The following KCNH3 variants were observed in gnomAD, a reference collection of about 807,000 sequenced individuals.
KCNH3 encodes the protein voltage-gated inwardly rectifying potassium channel KCNH3.
In KCNH3, 36 loss-of-function variants were observed where a neutral mutation model predicts 95.6. The observed-to-expected ratio is 0.38, with a 90% CI of 0.29 to 0.50. The LOEUF (loss-of-function observed/expected upper bound fraction) is 0.50, where lower values mean the gene tolerates loss of function less well. KCNH3 is among the 20% of genes least tolerant of loss of function. KCNH3 has a pLI of 0.95. For missense variants in KCNH3, 1,030 were observed against 1,484.1 expected (o/e 0.69, Z 5.03); for synonymous variants, 620 against 646.3 (o/e 0.96, Z 0.62).
chr12:49,539,954 C>T lies in KCNH3; in HGVS notation c.76+462C>T, dbSNP rs1937815205. Reference sequence around the variant, plus strand: ...GAGTAGGCGGCACTCGGGAGAGCACCGTGTGTCCAAGCCCCGTGTCTCATA... The same window carrying T: ...GAGTAGGCGGCACTCGGGAGAGCACTGTGTGTCCAAGCCCCGTGTCTCATA... On this transcript the variant is annotated intron_variant, in intron 1 of 14. Coordinates refer to ENST00000257981, the MANE Select transcript of KCNH3 (RefSeq NM_012284.3). The surrounding 1 kb of genome is among the most constrained non-coding windows in gnomAD (Gnocchi z 6.7). Among the ~76,000 whole-genome samples the T allele has an allele frequency of 6.6e-6, 1 of 152,254 alleles. No homozygotes were observed. The highest frequency in any genetic ancestry group is 1.9e-4 in the East Asian group (1 of 5,186).
rs1937807084 is a variant in KCNH3, at chr12:49,539,764, G to T, written c.76+272G>T. On this transcript the variant is annotated intron_variant, in intron 1 of 14. Coordinates refer to ENST00000257981, the MANE Select transcript of KCNH3 (RefSeq NM_012284.3). The surrounding 1 kb of genome is among the most constrained non-coding windows in gnomAD (Gnocchi z 6.7). The stretch of plus-strand genomic sequence containing the variant: ...GGATGCTCTCTGTTAGCCGGGTCTC[G>T]AACCCGAACCTAGTCAGTCTGACCC... 1.3e-5 allele frequency among the ~76,000 whole-genome samples: 2 copies of T among 152,144 alleles called. No individual in the cohort carries two copies. The highest frequency in any genetic ancestry group is 2.1e-4 in the South Asian group (1 of 4,826).
chr12:49,554,984 T>C (rs1335564183), intron 11 of KCNH3, among the ~76,000 whole-genome samples: 4 of 152,150 alleles, frequency 2.6e-5, no homozygotes, highest in Non-Finnish European at 5.9e-5. Context: ...TTCCCTGGAT[T>C]GTCACTAATT....
At position 49,539,941 on chromosome 12, in the gene KCNH3, C is replaced by G. The variant is rs1006213140; in HGVS notation, c.76+449C>G. Among the ~76,000 whole-genome samples the G allele has an allele frequency of 1.3e-5, 2 of 152,186 alleles. No individual in the cohort carries two copies. The highest frequency in any genetic ancestry group is 6.5e-5 in the Admixed American group (1 of 15,284). ...CAAACGGAGATAAGAGTAGGCGGCA[C>G]TCGGGAGAGCACCGTGTGTCCAAGC... On this transcript the variant is annotated intron_variant, in intron 1 of 14. Coordinates refer to ENST00000257981, the MANE Select transcript of KCNH3 (RefSeq NM_012284.3). This position sits in a 1 kb window ranked among gnomAD's most constrained non-coding sequence, Gnocchi z 6.7.
Position 49,549,526 on chromosome 12 carries a change from G to C in KCNH3, c.1554G>C (p.Thr518=). The change falls in exon 9 of 15, where the codon ACG becomes ACC. Residue 518 remains threonine, a synonymous_variant. Coordinates refer to ENST00000257981, the MANE Select transcript of KCNH3 (RefSeq NM_012284.3). ...YARRFLYHSR[T]RDLRDYIRIH... ...GCCGCTTTCTGTACCACAGCCGCAC[G>C]CGCGACCTGCGCGACTACATCCGCA... 1 of 1,613,648 alleles carries C rather than the reference G, an allele frequency of 6.2e-7. No homozygotes were observed. Among genetic ancestry groups the C allele is most frequent in the Non-Finnish European group, 8.5e-7 (1 of 1,180,042 alleles).
In KCNH3 at chr12:49,550,119, G is replaced by T; in HGVS notation, c.1708G>T (p.Ala570Ser). Residue 570 changes from alanine (A) to serine (S), a missense_variant, in exon 10 of 15, where the codon GCC (alanine) becomes TCC (serine). Around this residue, in one of 9 missense-constraint regions of KCNH3, gnomAD observed 160 missense variants for 316.2 expected, o/e 0.51. Coordinates refer to ENST00000257981, the MANE Select transcript of KCNH3 (RefSeq NM_012284.3). Reference sequence around the variant, plus strand: ...CCCTGACGAGCTGCGCGCAGACATCGCCATGCACCTGCACAAGGAGGTCCT... The same window carrying T: ...CCCTGACGAGCTGCGCGCAGACATCTCCATGCACCTGCACAAGGAGGTCCT... ...SLPDELRADI[A>S]MHLHKEVLQL... 6.8e-7 allele frequency: 1 copy of T among 1,464,366 alleles called. No homozygotes were observed. Among genetic ancestry groups the T allele is most frequent in the Non-Finnish European group, 9.2e-7 (1 of 1,086,344 alleles). 90.7% of individuals were successfully genotyped at this position (1,464,366 alleles called of 1,614,324 possible).
intron 12 of KCNH3, 26 bp from the exon 13 acceptor site, chr12:49,556,344 T>C (rs369252240): frequency 1.9e-6 from 3 of 1,556,860 alleles, no homozygotes; most frequent in Non-Finnish European, 2.7e-6. Context: ...TCCATTGATT[T>C]GTTGTCCTGG....
Position 49,539,805 on chromosome 12 carries a change from C to A in KCNH3, c.76+313C>A, listed in dbSNP as rs1451347932. Among the ~76,000 whole-genome samples the A allele has an allele frequency of 6.6e-6, 1 of 152,220 alleles. No individual in the cohort carries two copies. Among genetic ancestry groups the A allele is most frequent in the Non-Finnish European group, 1.5e-5 (1 of 68,036 alleles). On this transcript the variant is annotated intron_variant, in intron 1 of 14. Coordinates refer to ENST00000257981, the MANE Select transcript of KCNH3 (RefSeq NM_012284.3). This position sits in a 1 kb window ranked among gnomAD's most constrained non-coding sequence, Gnocchi z 6.7. Reference sequence around the variant, plus strand: ...AGTCTGACCCATCCCACCCCTGCGTCTGGCGCTGTCGCAGCAACTACCCTC... The same window carrying A: ...AGTCTGACCCATCCCACCCCTGCGTATGGCGCTGTCGCAGCAACTACCCTC...
intron 6 of KCNH3, 31 bp from the exon 7 acceptor site, chr12:49,544,144 C>CAA (rs1937972356): frequency 3.9e-5 from 58 of 1,492,932 alleles, no homozygotes; most frequent in Non-Finnish European, 5.0e-5. Flanking sequence ...GCTGACCTCC[C>CAA]TCCCTCCCTC....
intron 7 of KCNH3, 74 bp downstream of exon 7, chr12:49,544,456 GAT>G (rs1406986309): frequency 1.0e-5 from 15 of 1,436,274 alleles, no homozygotes; most frequent in Non-Finnish European, 1.4e-5. Flanking sequence ...CGTGGGTGCA[GAT>G]GTGTGGTGTC....
intron 11 of KCNH3, among the ~76,000 whole-genome samples, chr12:49,555,285 A>C (rs1464523371): frequency 8.6e-6 from 1 of 116,916 alleles, no homozygotes. Context: ...CTAAAAATAC[A>C]AAAAAAAAAA....
intron 11 of KCNH3, 69 bp from the exon 12 acceptor site, chr12:49,555,551 T>C: frequency 2.0e-6 from 2 of 979,318 alleles, no homozygotes; most frequent in Non-Finnish European, 3.0e-6. Context: ...GATGAAGCCT[T>C]GGTAGGGGAG....
chr12:49,550,041 A>ACGGGCC, intron 9 of KCNH3, 39 bp from the exon 10 acceptor site: 1 of 1,492,156 alleles, frequency 6.7e-7, no homozygotes, highest in South Asian at 1.3e-5. Flanking sequence ...CTCTTCTGCC[A>ACGGGCC]CTCCCAACCC....
chr12:49,557,349 C>T lies in KCNH3; in HGVS notation c.2653-5C>T. 1.2e-6 allele frequency: 2 copies of T among 1,608,670 alleles called. No homozygotes were observed. Among genetic ancestry groups the T allele is most frequent in the Non-Finnish European group, 1.7e-6 (2 of 1,176,246 alleles). On this transcript the variant is annotated splice_region_variant and splice_polypyrimidine_tract_variant and intron_variant, in intron 14 of 14. Coordinates refer to ENST00000257981, the MANE Select transcript of KCNH3 (RefSeq NM_012284.3). ...TTCTGACCTCGCCTCCTCCCTCCCC[C>T]AAAGGTGACAGAGCTGTCAGAGCAG...
At chr12:49,548,239 C>A (rs1037077066) in intron 7 of KCNH3, among the ~76,000 whole-genome samples, 14 of 152,168 alleles carry the variant, frequency 9.2e-5, no homozygotes, top group African/African-American at 3.4e-4. Context: ...GTACCTTTGT[C>A]CCTCTCCCAA....
Position 49,557,264 on chromosome 12 carries a change from G to A in KCNH3, c.2652+5G>A. 1 of 1,614,014 alleles carries A rather than the reference G, an allele frequency of 6.2e-7. No homozygotes were observed. The highest frequency in any genetic ancestry group is 8.5e-7 in the Non-Finnish European group (1 of 1,179,988). ...CTGGACAAGCTTCGGCAGGCGGTGG[G>A]TGAGGGGGAAGGTGGAGGTGAGGGG... On this transcript the variant is annotated splice_donor_5th_base_variant and intron_variant, in intron 14 of 14. Transcript: ENST00000257981.
Position 49,550,132 on chromosome 12 carries a change from A to T in KCNH3, c.1721A>T (p.His574Leu). The part of the protein sequence containing the change: ...ELRADIAMHL[H>L]KEVLQLPLFE... ...CGCGCAGACATCGCCATGCACCTGCACAAGGAGGTCCTGCAGCTGCCACTG... is the reference window on the plus strand; with the variant it reads ...CGCGCAGACATCGCCATGCACCTGCTCAAGGAGGTCCTGCAGCTGCCACTG... Residue 574 changes from histidine to leucine, a missense_variant, in exon 10 of 15, where the codon CAC (histidine) becomes CTC (leucine). His to Leu is a moderately conservative substitution (Grantham distance 99, BLOSUM62 -3). This residue lies in a region of KCNH3 where 160 missense variants were observed against 316.2 expected (regional missense o/e 0.51). Coordinates refer to ENST00000257981, the MANE Select transcript of KCNH3 (RefSeq NM_012284.3). The T allele has an allele frequency of 6.5e-7, 1 of 1,545,336 alleles. No individual in the cohort carries two copies. Among genetic ancestry groups the T allele is most frequent in the Non-Finnish European group, 8.8e-7 (1 of 1,139,094 alleles).
Position 49,549,200 on chromosome 12 carries a change from G to C in KCNH3, c.1468+27G>C, listed in dbSNP as rs1281419667. On this transcript the variant is annotated intron_variant, in intron 8 of 14. Coordinates refer to ENST00000257981, the MANE Select transcript of KCNH3 (RefSeq NM_012284.3). The stretch of plus-strand genomic sequence containing the variant: ...TGAGCCCGGCCGCGCGCGTCTTCCC[G>C]GGGCCACTCCCAGACTTCTGCCCGC... 4 of 1,559,704 alleles carry C rather than the reference G, an allele frequency of 2.6e-6. No homozygotes were observed. The Admixed American group carries it at 7.3e-5, about 28-fold the overall frequency.
intron 2 of KCNH3, 27 bp downstream of exon 2, chr12:49,541,159 T>G: frequency 6.4e-7 from 1 of 1,565,826 alleles, no homozygotes; most frequent in Non-Finnish European, 8.7e-7. Flanking sequence ...CCAGCCTGCC[T>G]CACCTTTGCA....
At chr12:49,557,155 G>A (rs1938491194) in intron 13 of KCNH3, 28 bp from the exon 14 acceptor site, 2 of 1,613,030 alleles carry the variant, frequency 1.2e-6, no homozygotes, top group Non-Finnish European at 8.5e-7. Context: ...ACCAGCCCCA[G>A]CTGATAACCC....
Sources: gnomAD v4.1 joint callset for allele counts (sites outside exome capture counted in the v4.1 genomes callset) on GRCh38, gnomAD v4.1.1 for gene constraint, gnomAD v4.1.1 regional missense constraint, Gnocchi (gnomAD v3.1) non-coding constraint, MANE v1.5 for transcripts, NCBI Gene and HGNC (gene_info 2026-07-23, HGNC 2026-07-21) for gene names.